RTN1: variants seen among roughly 807,000 people sequenced by gnomAD.
RTN1 encodes reticulon 1.
A neutral mutation model predicts 65.5 loss-of-function variants in RTN1; 25 were observed. That is an observed-to-expected ratio of 0.38 (90% CI 0.28 to 0.53). The LOEUF is 0.53. Ranked by LOEUF, RTN1 falls within the 20% of genes least tolerant of loss-of-function variation. The pLI is 0.79. For missense variants in RTN1, 983 were observed against 1,025.4 expected (o/e 0.96, Z 0.57); for synonymous variants, 471 against 447.6 (o/e 1.05, Z -0.66).
chr14:59,651,947 G>A (rs182884308), intron 3 of RTN1, among the ~76,000 whole-genome samples: 1 of 151,798 alleles, frequency 6.6e-6, no homozygotes, highest in East Asian at 1.9e-4. Context: ...ATGCATCAAA[G>A]GTCTCATATC....
intron 1 of RTN1, among the ~76,000 whole-genome samples, chr14:59,818,645 T>C (rs76632937): frequency 0.012 from 1,835 of 152,348 alleles, 33 homozygotes; most frequent in African/African-American, 0.041. Flanking sequence ...TGTGTCTTTA[T>C]GGTAGGAGGA....
At chr14:59,684,165 T>C (rs1883799576) in intron 3 of RTN1, among the ~76,000 whole-genome samples, 1 of 152,090 alleles carries the variant, frequency 6.6e-6, no homozygotes, top group Admixed American at 6.5e-5. Context: ...CTAACTTTTT[T>C]TATTTTTTTA....
chr14:59,660,382 A>G (rs912384050), intron 3 of RTN1, among the ~76,000 whole-genome samples: 2 of 152,178 alleles, frequency 1.3e-5, no homozygotes, highest in African/African-American at 4.8e-5. Flanking sequence ...GTTCTGGACC[A>G]AGCAGACCTA....
intron 2 of RTN1, among the ~76,000 whole-genome samples, chr14:59,742,567 A>C (rs985400030): frequency 2.0e-5 from 3 of 152,186 alleles, no homozygotes; most frequent in Non-Finnish European, 2.9e-5. Context: ...GAGAAATATA[A>C]ATATATTAGA....
At chr14:59,786,623 G>A (rs1566726708) in intron 1 of RTN1, among the ~76,000 whole-genome samples, 1 of 152,066 alleles carries the variant, frequency 6.6e-6, no homozygotes, top group South Asian at 2.1e-4. Context: ...AGAGTAAAAA[G>A]TATAGGATAA....
At chr14:59,851,410 G>A (rs1454892009) in intron 1 of RTN1, among the ~76,000 whole-genome samples, 1 of 152,120 alleles carries the variant, frequency 6.6e-6, no homozygotes, top group Non-Finnish European at 1.5e-5. Flanking sequence ...GCACAGAGCA[G>A]ATTACTATAC....
intron 1 of RTN1, among the ~76,000 whole-genome samples, chr14:59,800,558 G>T (rs56966760): frequency 8.3e-4 from 126 of 152,086 alleles, no homozygotes; most frequent in Middle Eastern, 3.4e-3. Context: ...CCACCACCAC[G>T]CCTGGCTAAC....
At chr14:59,786,880 C>T (rs1371378257) in intron 1 of RTN1, among the ~76,000 whole-genome samples, 4 of 151,946 alleles carry the variant, frequency 2.6e-5, no homozygotes, top group Non-Finnish European at 4.4e-5. Flanking sequence ...ACTTAGTAAC[C>T]GAACTGCAGC....
chr14:59,857,019 T>C (rs1272710801), intron 1 of RTN1, among the ~76,000 whole-genome samples: 1 of 152,184 alleles, frequency 6.6e-6, no homozygotes, highest in Non-Finnish European at 1.5e-5. Context: ...AAGCCAAGAC[T>C]AGATAAATCT....
rs192863178 is a variant in RTN1, at chr14:59,750,962, T to C, written c.242-4481A>G. Among the ~76,000 whole-genome samples the C allele has an allele frequency of 2.3e-3, 336 of 146,476 alleles. 2 individuals are homozygous for C. Among genetic ancestry groups the C allele is most frequent in the African/African-American group, 8.5e-3 (327 of 38,528 alleles). On this transcript the variant is annotated intron_variant, in intron 1 of 8. Transcript: ENST00000267484. ...TGAACTCCTGGGCTCAAATGATCCT[T>C]CTGCCTTGGCCTCCCAAAGTGCTGG... is the stretch of plus-strand genomic sequence containing the variant.
intron 1 of RTN1, among the ~76,000 whole-genome samples, chr14:59,821,109 C>G (rs904465306): frequency 1.3e-5 from 2 of 152,072 alleles, no homozygotes; most frequent in Admixed American, 6.5e-5. Flanking sequence ...GGCAGTATAG[C>G]CATTTTAACA....
intron 2 of RTN1, among the ~76,000 whole-genome samples, chr14:59,739,455 C>T (rs994437000): frequency 4.0e-5 from 6 of 151,114 alleles, no homozygotes; most frequent in South Asian, 2.1e-4. Flanking sequence ...GCATGGGAAT[C>T]GCTTGAACCC....
chr14:59,619,750 C>G (rs1882204697), intron 3 of RTN1, among the ~76,000 whole-genome samples: 1 of 152,056 alleles, frequency 6.6e-6, no homozygotes, highest in Admixed American at 6.5e-5. Context: ...CACAATAGTG[C>G]AGGTTATGGC....
chr14:59,811,586 G>GT (rs1191210487), intron 1 of RTN1, among the ~76,000 whole-genome samples: 2 of 152,138 alleles, frequency 1.3e-5, no homozygotes, highest in Non-Finnish European at 2.9e-5. Flanking sequence ...AAACATTACA[G>GT]TTTTTTCAGG....
At chr14:59,672,853 G>C (rs111673107) in intron 3 of RTN1, among the ~76,000 whole-genome samples, 4 of 150,416 alleles carry the variant, frequency 2.7e-5, no homozygotes, top group African/African-American at 9.8e-5. Context: ...TGTTAGCCAG[G>C]ATGGTCTCGA....
intron 2 of RTN1, among the ~76,000 whole-genome samples, chr14:59,741,746 C>T (rs908426660): frequency 6.6e-6 from 1 of 152,262 alleles, no homozygotes; most frequent in East Asian, 1.9e-4. Context: ...TGTCACCAAC[C>T]CCCTTTCAGT....
chr14:59,700,495 A>G (rs1051368215), intron 3 of RTN1, among the ~76,000 whole-genome samples: 6 of 152,196 alleles, frequency 3.9e-5, no homozygotes, highest in African/African-American at 1.2e-4. Flanking sequence ...ACAATAGTCA[A>G]GATAATATGA....
At chr14:59,724,426 T>G (rs1022472899) in intron 3 of RTN1, among the ~76,000 whole-genome samples, 4 of 152,206 alleles carry the variant, frequency 2.6e-5, no homozygotes, top group Non-Finnish European at 1.5e-5. Context: ...CCCTGGATAC[T>G]TGTGAATGCA....
At chr14:59,603,620 C>A in intron 6 of RTN1, 2 of 331,914 alleles carry the variant, frequency 6.0e-6, no homozygotes, top group East Asian at 4.9e-5. Flanking sequence ...AGAAAGAAGC[C>A]AGTTATGTTT....
Sources: gnomAD v4.1 joint callset for allele counts (sites outside exome capture counted in the v4.1 genomes callset) on GRCh38, gnomAD v4.1.1 for gene constraint, MANE v1.5 for transcripts, NCBI Gene and HGNC (gene_info 2026-07-23, HGNC 2026-07-21) for gene names.